The following FRMD5 variants were observed in gnomAD, a reference collection of about 807,000 sequenced individuals.
FRMD5 encodes the protein FERM domain-containing protein 5.
Under a neutral mutation model 69.0 loss-of-function variants are expected in FRMD5, and 20 were observed. That is an observed-to-expected ratio of 0.29 (90% CI 0.20 to 0.42). The LOEUF (loss-of-function observed/expected upper bound fraction) is 0.42, where lower values mean the gene tolerates loss of function less well. Ranked by LOEUF, FRMD5 falls within the 10% of genes least tolerant of loss-of-function variation. The pLI is 1.00. For synonymous variants in FRMD5, 271 were observed against 260.1 expected (o/e 1.04, Z -0.40); for missense variants, 595 against 708.6 (o/e 0.84, Z 1.82).
At chr15:44,175,872 A>C (rs1178152749) in intron 1 of FRMD5, among the ~76,000 whole-genome samples, 1 of 152,192 alleles carries the variant, frequency 6.6e-6, no homozygotes, top group Non-Finnish European at 1.5e-5. Context: ...TTTTTTTAAA[A>C]ATTAAAGATC....
intron 1 of FRMD5, among the ~76,000 whole-genome samples, chr15:43,976,062 TAAA>T (rs201696655): frequency 1.6e-5 from 2 of 122,262 alleles, no homozygotes; most frequent in Non-Finnish European, 1.7e-5. Flanking sequence ...ATCTATGTGC[TAAA>T]AAAAAAAAAA....
intron 1 of FRMD5, among the ~76,000 whole-genome samples, chr15:43,946,367 G>A (rs2089947441): frequency 1.3e-5 from 2 of 152,184 alleles, no homozygotes; most frequent in Non-Finnish European, 2.9e-5. Context: ...GCATGTACAC[G>A]AGGAAATAAC....
chr15:44,044,911 A>T (rs577087224), intron 1 of FRMD5, among the ~76,000 whole-genome samples: 27 of 151,870 alleles, frequency 1.8e-4, no homozygotes, highest in Admixed American at 5.9e-4. Context: ...TAAAGTATTT[A>T]AAAAAAAATT....
chr15:43,945,757 C>G (rs564013590), intron 1 of FRMD5, among the ~76,000 whole-genome samples: 56 of 152,254 alleles, frequency 3.7e-4, no homozygotes, highest in African/African-American at 1.3e-3. Context: ...CCCCCTGCCC[C>G]CCAGATCTTT....
At chr15:44,185,206 A>G (rs866638008) in intron 1 of FRMD5, among the ~76,000 whole-genome samples, 1 of 152,178 alleles carries the variant, frequency 6.6e-6, no homozygotes, top group Admixed American at 6.5e-5. Flanking sequence ...CCTATTTCAC[A>G]TGTACTAGAA....
At chr15:43,998,678 T>C (rs780275915) in intron 1 of FRMD5, among the ~76,000 whole-genome samples, 2 of 152,236 alleles carry the variant, frequency 1.3e-5, no homozygotes, top group Non-Finnish European at 2.9e-5. Flanking sequence ...GGGTGCTTTT[T>C]CAGATCTAAT....
At chr15:44,062,528 T>C (rs1057330439) in intron 1 of FRMD5, among the ~76,000 whole-genome samples, 2 of 151,852 alleles carry the variant, frequency 1.3e-5, no homozygotes, top group African/African-American at 2.4e-5. Flanking sequence ...CCGTCTCTAC[T>C]AAAAATACAA....
At chr15:44,158,375 CTT>C (rs2077559442) in intron 1 of FRMD5, among the ~76,000 whole-genome samples, 1 of 152,166 alleles carries the variant, frequency 6.6e-6, no homozygotes, top group African/African-American at 2.4e-5. Context: ...ATTCCAATGT[CTT>C]TTCACTGATT....
intron 1 of FRMD5, among the ~76,000 whole-genome samples, chr15:43,973,045 C>T (rs1452821160): frequency 5.3e-5 from 8 of 151,632 alleles, no homozygotes; most frequent in South Asian, 2.1e-4. Flanking sequence ...TTTTTTGAGA[C>T]GGAGTCTCGC....
At chr15:44,067,636 AT>A (rs1315346309) in intron 1 of FRMD5, among the ~76,000 whole-genome samples, 1 of 152,156 alleles carries the variant, frequency 6.6e-6, no homozygotes, top group East Asian at 1.9e-4. Flanking sequence ...TTTTATAGGC[AT>A]ACTAATCCCA....
chr15:44,070,002 A>G (rs1893469816), intron 1 of FRMD5, among the ~76,000 whole-genome samples: 1 of 152,200 alleles, frequency 6.6e-6, no homozygotes, highest in Admixed American at 6.5e-5. Context: ...AATGTATACA[A>G]AGTAAGGAGA....
chr15:43,871,337 GAC>G lies in FRMD5; in HGVS notation c.*2546_*2547del, dbSNP rs1309041150. 6.6e-6 allele frequency: 1 copy of G among 152,186 alleles called. No homozygotes were observed. The allele number at this position is 152,186 out of a possible 1,614,324, so 9.4% of individuals were successfully genotyped here. On this transcript the variant is annotated 3_prime_UTR_variant, in exon 14 of 14. Transcript: ENST00000417257. ...AGACTACTGTACTGTTAGAACTCTA[GAC>G]ACAAGGAACATACTAGGATATGGAA...
intron 1 of FRMD5, among the ~76,000 whole-genome samples, chr15:44,128,282 C>T (rs995430542): frequency 6.6e-6 from 1 of 152,100 alleles, no homozygotes. Flanking sequence ...GAGTTCAAGA[C>T]CAGCCTGGCC....
intron 1 of FRMD5, among the ~76,000 whole-genome samples, chr15:44,042,090 T>C (rs1159582769): frequency 2.0e-5 from 3 of 152,010 alleles, no homozygotes; most frequent in Non-Finnish European, 4.4e-5. Flanking sequence ...TAAAAAATGA[T>C]AAAGGGGATA....
At chr15:44,084,090 ACT>A (rs879383368) in intron 1 of FRMD5, among the ~76,000 whole-genome samples, 15 of 151,958 alleles carry the variant, frequency 9.9e-5, no homozygotes, top group Admixed American at 9.8e-4. Flanking sequence ...TCTAGTTCCA[ACT>A]CTGCCACTGA....
chr15:43,919,944 T>C (rs1252954911), intron 2 of FRMD5, 135 bp from the exon 3 acceptor site: 3 of 774,744 alleles, frequency 3.9e-6, no homozygotes, highest in African/African-American at 3.5e-5. Flanking sequence ...AAAGATAAGT[T>C]TGGTGAGTAA....
In FRMD5 at chr15:44,158,200, T is replaced by C. The variant is rs142850787; in HGVS notation, c.102+36753A>G. On this transcript the variant is annotated intron_variant, in intron 1 of 13. Coordinates refer to ENST00000417257, the MANE Select transcript of FRMD5 (RefSeq NM_032892.5). The stretch of plus-strand genomic sequence containing the variant: ...TTCAGCATCTCACACCAGGATGAGG[T>C]ATAACCACAAGAGAAACATTAAACT... Among the ~76,000 whole-genome samples the C allele has an allele frequency of 2.4e-3, 360 of 152,264 alleles. 1 individual carries two copies. The highest frequency in any genetic ancestry group is 9.3e-4 in the Non-Finnish European group (63 of 67,992).
intron 1 of FRMD5, among the ~76,000 whole-genome samples, chr15:43,982,285 G>A (rs540332752): frequency 6.6e-6 from 1 of 152,220 alleles, no homozygotes; most frequent in Non-Finnish European, 1.5e-5. Flanking sequence ...CAGGGGCATT[G>A]TCTGATATCA....
intron 1 of FRMD5, among the ~76,000 whole-genome samples, chr15:44,137,078 G>A (rs749364304): frequency 5.3e-5 from 8 of 152,216 alleles, no homozygotes; most frequent in African/African-American, 1.2e-4. Flanking sequence ...TAAAATAAAT[G>A]TAAGAGTTGG....
Sources: allele counts gnomAD v4.1 joint callset (sites outside exome capture counted in the v4.1 genomes callset), GRCh38; gene constraint gnomAD v4.1.1; transcripts MANE v1.5; gene names NCBI Gene and HGNC (gene_info 2026-07-23, HGNC 2026-07-21).